The following TMEM178B variants were observed in gnomAD, a reference collection of about 807,000 sequenced individuals.
The protein encoded by TMEM178B is transmembrane protein 178B.
In TMEM178B, 5 loss-of-function variants were observed where a neutral mutation model predicts 31.0. The ratio of observed to expected loss-of-function variants is 0.16; its 90% CI spans 0.08 to 0.34. The LOEUF (loss-of-function observed/expected upper bound fraction) is 0.34. Ranked by LOEUF, TMEM178B falls within the 10% of genes least tolerant of loss-of-function variation. The pLI is 1.00. For missense variants in TMEM178B, 275 were observed against 400.3 expected (o/e 0.69, Z 2.67); for synonymous variants, 164 against 164.0 (o/e 1.00, Z 0.00).
At chr7:141,495,710 C>T in the TMEM178B span, among the ~76,000 whole-genome samples, 1 of 152,252 alleles carries the variant, frequency 6.6e-6, no homozygotes, top group African/African-American at 2.4e-5. Flanking sequence ...TAAATCTGGT[C>T]ATATAGTGGA....
chr7:141,449,123 C>T (rs977917952), intron 3 of TMEM178B, among the ~76,000 whole-genome samples: 26 of 152,186 alleles, frequency 1.7e-4, no homozygotes, highest in Non-Finnish European at 1.6e-4. Context: ...GTCTCCCTCT[C>T]CGTGGCTCTT....
At chr7:141,414,900 T>C (rs946600236) in intron 2 of TMEM178B, 1 of 152,244 alleles carries the variant, frequency 6.6e-6, no homozygotes, top group Non-Finnish European at 1.5e-5. Flanking sequence ...TCAAGCTCAG[T>C]TGATCATTTC....
intron 1 of TMEM178B, among the ~76,000 whole-genome samples, chr7:141,125,276 T>A (rs1795472474): frequency 6.6e-6 from 1 of 152,110 alleles, no homozygotes; most frequent in Non-Finnish European, 1.5e-5. Flanking sequence ...ATGCCATACA[T>A]CACCTCAGGA....
At chr7:141,261,466 G>A (rs1023975155) in intron 2 of TMEM178B, among the ~76,000 whole-genome samples, 1 of 152,120 alleles carries the variant, frequency 6.6e-6, no homozygotes, top group Non-Finnish European at 1.5e-5. Flanking sequence ...ACTTTTGGGT[G>A]GTTGGAAATG....
intron 2 of TMEM178B, among the ~76,000 whole-genome samples, chr7:141,428,366 C>A: frequency 1.2e-5 from 1 of 81,838 alleles, no homozygotes. Context: ...GAGACTCCAC[C>A]TCAAAAAAAA....
chr7:141,116,564 C>T (rs972753368), intron 1 of TMEM178B, among the ~76,000 whole-genome samples: 4 of 151,392 alleles, frequency 2.6e-5, no homozygotes, highest in Admixed American at 2.0e-4. Flanking sequence ...ATGTGCAGAA[C>T]GTGAGGGTTT....
intron 2 of TMEM178B, among the ~76,000 whole-genome samples, chr7:141,280,359 G>A (rs943136521): frequency 7.2e-5 from 11 of 152,150 alleles, no homozygotes; most frequent in Non-Finnish European, 1.3e-4. Context: ...ATTCCTACGT[G>A]TTGTGGGATG....
At chr7:141,304,604 C>A (rs1798786036) in intron 2 of TMEM178B, among the ~76,000 whole-genome samples, 1 of 152,162 alleles carries the variant, frequency 6.6e-6, no homozygotes. Flanking sequence ...ACATCACCAG[C>A]CCTAGCCTCT....
intron 1 of TMEM178B, among the ~76,000 whole-genome samples, chr7:141,108,297 C>A (rs926712483): frequency 6.6e-6 from 1 of 152,068 alleles, no homozygotes; most frequent in African/African-American, 2.4e-5. Flanking sequence ...ATGGCATGGT[C>A]CAATGCAGAA....
intron 2 of TMEM178B, among the ~76,000 whole-genome samples, chr7:141,236,508 A>G (rs1377057217): frequency 6.6e-6 from 1 of 152,216 alleles, no homozygotes; most frequent in Non-Finnish European, 1.5e-5. Flanking sequence ...AGAAGATAAC[A>G]GAACCAAACC....
At chr7:141,351,973 C>G (rs1346151750) in intron 2 of TMEM178B, 1 of 152,622 alleles carries the variant, frequency 6.6e-6, no homozygotes, top group East Asian at 1.9e-4. Flanking sequence ...CACCCACCAC[C>G]ACGATGCCAG....
chr7:141,467,294 A>G (rs745566487), intron 3 of TMEM178B, among the ~76,000 whole-genome samples: 2 of 152,092 alleles, frequency 1.3e-5, no homozygotes, highest in Non-Finnish European at 2.9e-5. Context: ...AACTCCCACA[A>G]GTTTGGAGTA....
the TMEM178B span, among the ~76,000 whole-genome samples, chr7:141,502,564 A>G: frequency 6.6e-6 from 1 of 152,192 alleles, no homozygotes; most frequent in Non-Finnish European, 1.5e-5. Context: ...TGAGGTAGGG[A>G]GTTCGAGACC....
Position 141,074,334 on chromosome 7 carries a change from C to G in TMEM178B, c.24C>G (p.Leu8=). 2.0e-6 allele frequency: 3 copies of G among 1,535,540 alleles called. No homozygotes were observed. Among genetic ancestry groups the G allele is most frequent in the Non-Finnish European group, 2.6e-6 (3 of 1,146,536 alleles). Residue 8 remains leucine, a synonymous_variant, in exon 1 of 4, where the codon CTC becomes CTG. Coordinates refer to ENST00000565468, the MANE Select transcript of TMEM178B (RefSeq NM_001195278.2). The surrounding 1 kb of genome is among the most constrained non-coding windows in gnomAD (Gnocchi z 5.1). Reference sequence around the variant, plus strand: ...GCATGGCTGCCGGAAGGTTACTGCTCTACACTGGCCTCTCGCTAGCGCTCT... The same window carrying G: ...GCATGGCTGCCGGAAGGTTACTGCTGTACACTGGCCTCTCGCTAGCGCTCT... MAAGRLL[L]YTGLSLALCA... is the part of the protein sequence containing the mutation.
At chr7:141,487,741 C>CA in the TMEM178B span, among the ~76,000 whole-genome samples, 4,291 of 30,032 alleles carry the variant, frequency 0.14, 800 homozygotes, top group East Asian at 0.38. Flanking sequence ...GACTCCGTCT[C>CA]AAAAAAAAAA....
intron 2 of TMEM178B, among the ~76,000 whole-genome samples, chr7:141,294,294 G>T (rs983346239): frequency 3.3e-5 from 5 of 152,164 alleles, no homozygotes; most frequent in Non-Finnish European, 7.4e-5. Context: ...CTCCACCCCT[G>T]CTGATCTCAG....
chr7:141,332,381 T>C (rs1313747331), intron 2 of TMEM178B, among the ~76,000 whole-genome samples: 2 of 152,236 alleles, frequency 1.3e-5, no homozygotes, highest in Non-Finnish European at 2.9e-5. Flanking sequence ...GGTTCATAGA[T>C]GTACTGATAC....
chr7:141,098,960 A>G (rs1480344157), intron 1 of TMEM178B, among the ~76,000 whole-genome samples: 2 of 152,160 alleles, frequency 1.3e-5, no homozygotes, highest in Non-Finnish European at 2.9e-5. Context: ...ATTTACAAAA[A>G]CCAAACCCAA....
chr7:141,458,941 A>G lies in TMEM178B; in HGVS notation c.635-11595A>G, dbSNP rs150908331. Reference sequence around the variant, plus strand: ...CAAACACCTCAGCAATCACATAACAATTTAAGAAAGGGGAATGAGGGGACA... The same window carrying G: ...CAAACACCTCAGCAATCACATAACAGTTTAAGAAAGGGGAATGAGGGGACA... On this transcript the variant is annotated intron_variant, in intron 3 of 3. Transcript: ENST00000565468. Among the ~76,000 whole-genome samples the G allele has an allele frequency of 2.6e-5, 4 of 152,316 alleles. No individual in the cohort carries two copies. In the East Asian group the frequency reaches 7.7e-4, roughly 29 times the overall value.
Sources: gnomAD v4.1 joint callset for allele counts (sites outside exome capture counted in the v4.1 genomes callset) on GRCh38, gnomAD v4.1.1 for gene constraint, Gnocchi (gnomAD v3.1) non-coding constraint, MANE v1.5 for transcripts, NCBI Gene and HGNC (gene_info 2026-07-23, HGNC 2026-07-21) for gene names.